EDIL3: variants seen among roughly 807,000 people sequenced by gnomAD.
EDIL3 encodes the protein EGF like and discoidin domains 3.
A neutral mutation model predicts 67.4 loss-of-function variants in EDIL3; 37 were observed. The observed-to-expected ratio is 0.55, with a 90% confidence interval of 0.42 to 0.72. The LOEUF (loss-of-function observed/expected upper bound fraction) is 0.72, where lower values mean the gene tolerates loss of function less well. EDIL3 is among the 30% of genes least tolerant of loss of function. The probability of loss-of-function intolerance (pLI) is 0.00; values close to 1 mark genes in which losing one functional copy is unlikely to be tolerated. For synonymous variants in EDIL3, 195 were observed against 196.3 expected, an observed-to-expected ratio of 0.99 and a Z score of 0.05; for missense variants, 527 against 586.3, an observed-to-expected ratio of 0.90 and a Z score of 1.04.
At chr5:84,141,115 A>G (rs1036232538) in intron 4 of EDIL3, among the ~76,000 whole-genome samples, 6 of 152,052 alleles carry the variant, frequency 3.9e-5, no homozygotes, top group Admixed American at 6.6e-5. Context: ...TGCCAGAAAA[A>G]AGTCCACATC....
chr5:84,209,217 G>T (rs1744060110), intron 3 of EDIL3, among the ~76,000 whole-genome samples: 1 of 151,056 alleles, frequency 6.6e-6, no homozygotes, highest in Non-Finnish European at 1.5e-5. Context: ...ACACTCTGGG[G>T]ACTGTTGTGG....
chr5:84,031,470 T>C (rs1249278479), intron 9 of EDIL3, among the ~76,000 whole-genome samples: 1 of 152,212 alleles, frequency 6.6e-6, no homozygotes, highest in African/African-American at 2.4e-5. Flanking sequence ...AATCTACCCA[T>C]GCAACACTTA....
intron 1 of EDIL3, among the ~76,000 whole-genome samples, chr5:84,312,639 C>T (rs371580548): frequency 2.0e-5 from 3 of 150,092 alleles, no homozygotes; most frequent in African/African-American, 7.3e-5. Context: ...CCGGACGGGG[C>T]GGCTGGCCGG....
chr5:84,131,617 T>G (rs952531198), intron 5 of EDIL3, among the ~76,000 whole-genome samples: 3 of 152,092 alleles, frequency 2.0e-5, no homozygotes, highest in African/African-American at 7.2e-5. Flanking sequence ...CTCTATAAAA[T>G]GGAATCAGTA....
At chr5:84,185,887 C>T (rs1410279885) in intron 3 of EDIL3, among the ~76,000 whole-genome samples, 1 of 151,970 alleles carries the variant, frequency 6.6e-6, no homozygotes, top group Non-Finnish European at 1.5e-5. Flanking sequence ...ATCTCATTAA[C>T]TGTTTGAGTT....
intron 1 of EDIL3, among the ~76,000 whole-genome samples, chr5:84,257,279 T>A (rs1745139239): frequency 6.6e-6 from 1 of 152,186 alleles, no homozygotes; most frequent in Non-Finnish European, 1.5e-5. Context: ...AGTCATATCA[T>A]GTTTCTGTGG....
rs953873111 is a variant in EDIL3, at chr5:83,971,259, GA to G, written c.1138-7900del. 6.0e-5 allele frequency among the ~76,000 whole-genome samples: 9 copies of G among 148,984 alleles called. 1 individual carries two copies. Among genetic ancestry groups the G allele is most frequent in the Admixed American group, 2.0e-4 (3 of 14,978 alleles). ...TATTACTCCTCTATTATGTCATAAA[GA>G]AAAAAATATCCTTTTTTCTTTTTTT... On this transcript the variant is annotated intron_variant, in intron 9 of 10. Transcript: ENST00000296591.
intron 9 of EDIL3, among the ~76,000 whole-genome samples, chr5:84,007,928 C>T (rs564763833): frequency 3.3e-5 from 5 of 152,248 alleles, no homozygotes; most frequent in African/African-American, 1.2e-4. Context: ...TATATATCCA[C>T]AATGGAGTAC....
intron 4 of EDIL3, among the ~76,000 whole-genome samples, chr5:84,176,196 ATAAT>A (rs1241557868): frequency 1.0e-4 from 3 of 28,924 alleles, no homozygotes; most frequent in Non-Finnish European, 1.7e-4. Flanking sequence ...ATATATATAT[ATAAT>A]ATATATATAT....
intron 9 of EDIL3, among the ~76,000 whole-genome samples, chr5:83,974,478 T>C (rs1301371565): frequency 6.6e-6 from 1 of 151,662 alleles, no homozygotes; most frequent in Non-Finnish European, 1.5e-5. Flanking sequence ...AGGATGACAA[T>C]TAAAAAAAAA....
chr5:83,983,116 G>A (rs940429049), intron 9 of EDIL3, among the ~76,000 whole-genome samples: 1 of 152,098 alleles, frequency 6.6e-6, no homozygotes, highest in African/African-American at 2.4e-5. Context: ...GAACTAGTAT[G>A]GGTTTTAGTC....
intron 6 of EDIL3, among the ~76,000 whole-genome samples, chr5:84,090,699 G>T (rs112900998): frequency 6.6e-6 from 1 of 152,064 alleles, no homozygotes; most frequent in Non-Finnish European, 1.5e-5. Context: ...TGTTATCCCA[G>T]CACTTTGGGA....
At chr5:84,267,196 G>A (rs1745368015) in intron 1 of EDIL3, among the ~76,000 whole-genome samples, 1 of 151,982 alleles carries the variant, frequency 6.6e-6, no homozygotes, top group Admixed American at 6.6e-5. Flanking sequence ...CTTCTTCAAG[G>A]TCTCTTCATT....
chr5:84,055,330 T>C (rs368645855), intron 9 of EDIL3, among the ~76,000 whole-genome samples: 4 of 146,646 alleles, frequency 2.7e-5, no homozygotes, highest in Non-Finnish European at 5.9e-5. Context: ...AAGACTTAAA[T>C]GTTAGACCTA....
intron 1 of EDIL3, among the ~76,000 whole-genome samples, chr5:84,356,364 T>C (rs1209717410): frequency 2.0e-5 from 3 of 152,370 alleles, no homozygotes; most frequent in African/African-American, 7.2e-5. Flanking sequence ...GTGGGGAACA[T>C]GCTTTTCCAT....
intron 1 of EDIL3, among the ~76,000 whole-genome samples, chr5:84,256,055 G>A (rs1745116454): frequency 6.6e-6 from 1 of 152,020 alleles, no homozygotes; most frequent in Non-Finnish European, 1.5e-5. Flanking sequence ...ATTTTGAATG[G>A]GGTGATTGAT....
chr5:84,328,766 A>G (rs1202621868), intron 1 of EDIL3, among the ~76,000 whole-genome samples: 1 of 152,090 alleles, frequency 6.6e-6, no homozygotes, highest in Non-Finnish European at 1.5e-5. Context: ...AAATTCAAGT[A>G]ACTGTCAGCG....
chr5:84,353,915 A>G (rs780214639), intron 1 of EDIL3, among the ~76,000 whole-genome samples: 1 of 152,212 alleles, frequency 6.6e-6, no homozygotes, highest in African/African-American at 2.4e-5. Context: ...GGTTCAAGCT[A>G]TTGTGTTAAA....
chr5:84,309,847 G>GTATA (rs1746349821), intron 1 of EDIL3, among the ~76,000 whole-genome samples: 1 of 152,120 alleles, frequency 6.6e-6, no homozygotes, highest in African/African-American at 2.4e-5. Context: ...AGTCCTTTGG[G>GTATA]TATATACCCA....
Sources: gnomAD v4.1 joint callset for allele counts (sites outside exome capture counted in the v4.1 genomes callset) on GRCh38, gnomAD v4.1.1 for gene constraint, MANE v1.5 for transcripts, NCBI Gene and HGNC (gene_info 2026-07-23, HGNC 2026-07-21) for gene names.